Variants in IQCM observed in about 807,000 individuals in gnomAD.
IQCM encodes the protein IQ motif containing M.
Under a neutral mutation model 57.6 loss-of-function variants are expected in IQCM, and 45 were observed. The ratio of observed to expected loss-of-function variants is 0.78; its 90% CI spans 0.62 to 1.00. The LOEUF is 1.00. Among genes scored for constraint, IQCM ranks in the 50% least tolerant of loss-of-function variants. The pLI, the probability that IQCM is intolerant of heterozygous loss-of-function variation, is 0.00. For synonymous variants in IQCM, 148 were observed against 158.9 expected (o/e 0.93, Z 0.51); for missense variants, 468 against 511.6 (o/e 0.91, Z 0.82).
At chr4:149,672,540 A>T (rs1037351556) in intron 7 of IQCM, among the ~76,000 whole-genome samples, 5 of 152,316 alleles carry the variant, frequency 3.3e-5, no homozygotes, top group East Asian at 1.9e-4. Context: ...ATTGAAGATC[A>T]AATGAGTGAA....
At chr4:149,649,817 A>C (rs1758992547) in intron 7 of IQCM, among the ~76,000 whole-genome samples, 1 of 152,314 alleles carries the variant, frequency 6.6e-6, no homozygotes. Context: ...TTGATATAAT[A>C]ATCACTGTCA....
At chr4:149,387,445 C>T (rs1225471084) in intron 13 of IQCM, among the ~76,000 whole-genome samples, 1 of 152,052 alleles carries the variant, frequency 6.6e-6, no homozygotes, top group Non-Finnish European at 1.5e-5. Flanking sequence ...CCAATAGCTT[C>T]ATTCTCTGGT....
chr4:149,400,095 A>G (rs970170659), intron 13 of IQCM, among the ~76,000 whole-genome samples: 3 of 151,814 alleles, frequency 2.0e-5, no homozygotes, highest in Admixed American at 6.6e-5. Context: ...AAAAATCTCT[A>G]CTACTCAATT....
chr4:149,420,844 G>A (rs1185007805), intron 13 of IQCM, among the ~76,000 whole-genome samples: 1 of 151,872 alleles, frequency 6.6e-6, no homozygotes, highest in Non-Finnish European at 1.5e-5. Context: ...TATACCTATG[G>A]CAAGGTGTAG....
chr4:149,403,905 G>A lies in IQCM; in HGVS notation c.1390+29491C>T, dbSNP rs1371637121. Among the ~76,000 whole-genome samples, 3 of 152,022 alleles carry A rather than the reference G, an allele frequency of 2.0e-5. No homozygotes were observed. The East Asian group carries it at 5.8e-4, about 29-fold the overall frequency. On this transcript the variant is annotated intron_variant, in intron 13 of 13. Coordinates refer to ENST00000636793, the MANE Select transcript of IQCM (RefSeq NM_001363507.2). ...TTTAAATATTCACAACCATATAGCA[G>A]AATTAAAGAGTGAATTAGTTAGGAA... is the stretch of plus-strand genomic sequence containing the variant.
intron 10 of IQCM, among the ~76,000 whole-genome samples, chr4:149,555,290 T>C (rs1407917531): frequency 1.3e-5 from 2 of 152,198 alleles, no homozygotes; most frequent in African/African-American, 4.8e-5. Context: ...TGAATCTTAG[T>C]GGGAGGCAGA....
intron 2 of IQCM, among the ~76,000 whole-genome samples, chr4:149,749,969 A>G (rs78408378): frequency 0.012 from 1,790 of 152,232 alleles, 36 homozygotes; most frequent in African/African-American, 0.041. Flanking sequence ...ACTCTATAAA[A>G]ACTGTTTATT....
chr4:149,784,250 C>G (rs1241880774), intron 2 of IQCM, among the ~76,000 whole-genome samples: 1 of 152,216 alleles, frequency 6.6e-6, no homozygotes, highest in Admixed American at 6.5e-5. Context: ...TCTCACTTTG[C>G]TCTAGCTACA....
At chr4:149,468,036 C>A (rs993779479) in intron 12 of IQCM, among the ~76,000 whole-genome samples, 1 of 152,042 alleles carries the variant, frequency 6.6e-6, no homozygotes, top group African/African-American at 2.4e-5. Flanking sequence ...CCAAGATGGC[C>A]GAATAGGAAC....
At chr4:149,693,943 T>C (rs1380088887) in intron 5 of IQCM, among the ~76,000 whole-genome samples, 1 of 152,200 alleles carries the variant, frequency 6.6e-6, no homozygotes, top group Admixed American at 6.5e-5. Context: ...TAATCTATCT[T>C]AACATTGAAA....
At chr4:149,813,580 G>A (rs778654602) in intron 2 of IQCM, among the ~76,000 whole-genome samples, 50 of 152,000 alleles carry the variant, frequency 3.3e-4, no homozygotes, top group Non-Finnish European at 6.0e-4. Context: ...TTAAAAATGG[G>A]TAGGCAGATA....
chr4:149,458,083 T>C (rs975290796), intron 12 of IQCM, among the ~76,000 whole-genome samples: 5 of 151,930 alleles, frequency 3.3e-5, no homozygotes, highest in African/African-American at 1.2e-4. Flanking sequence ...AAAATTTAGC[T>C]TTGTAAGTAC....
chr4:149,469,055 A>T (rs1739201246), intron 12 of IQCM, among the ~76,000 whole-genome samples: 1 of 152,214 alleles, frequency 6.6e-6, no homozygotes, highest in Admixed American at 6.5e-5. Context: ...AACTCTAAAA[A>T]TCAGATTGGC....
intron 11 of IQCM, among the ~76,000 whole-genome samples, chr4:149,549,495 G>A (rs1445440711): frequency 6.6e-6 from 1 of 152,176 alleles, no homozygotes; most frequent in Non-Finnish European, 1.5e-5. Context: ...TCCAGCCTGG[G>A]CGACAGAGCG....
intron 10 of IQCM, among the ~76,000 whole-genome samples, chr4:149,560,482 G>T (rs1750012402): frequency 6.6e-6 from 1 of 152,060 alleles, no homozygotes; most frequent in East Asian, 1.9e-4. Context: ...TTGAAATTAA[G>T]TAAGAGCCTA....
chr4:149,476,768 G>T (rs1740244034), intron 12 of IQCM, among the ~76,000 whole-genome samples: 1 of 152,008 alleles, frequency 6.6e-6, no homozygotes, highest in Non-Finnish European at 1.5e-5. Flanking sequence ...AACTTTAGGA[G>T]TCAGGTATAG....
intron 7 of IQCM, among the ~76,000 whole-genome samples, chr4:149,681,242 A>C (rs1163069179): frequency 1.3e-5 from 2 of 151,270 alleles, no homozygotes; most frequent in African/African-American, 4.8e-5. Flanking sequence ...TCAATTTTAG[A>C]ATCAGTTGAG....
At chr4:149,667,397 G>C (rs1760830569) in intron 7 of IQCM, among the ~76,000 whole-genome samples, 2 of 151,966 alleles carry the variant, frequency 1.3e-5, no homozygotes, top group Admixed American at 1.3e-4. Context: ...TCGACAAAAA[G>C]GACAACCACA....
intron 13 of IQCM, among the ~76,000 whole-genome samples, chr4:149,372,597 C>T (rs1324486582): frequency 6.6e-6 from 1 of 152,080 alleles, no homozygotes; most frequent in Admixed American, 6.6e-5. Flanking sequence ...GGTGTACATG[C>T]AGATTGGGTT....
Sources: allele counts gnomAD v4.1 joint callset (sites outside exome capture counted in the v4.1 genomes callset), GRCh38; gene constraint gnomAD v4.1.1; transcripts MANE v1.5; gene names NCBI Gene and HGNC (gene_info 2026-07-23, HGNC 2026-07-21).